GNG4: variants seen among roughly 807,000 people sequenced by gnomAD.
GNG4 encodes the protein G protein subunit gamma 4.
In GNG4, 4 loss-of-function variants were observed where a neutral mutation model predicts 5.8. The observed-to-expected ratio is 0.69, with a 90% CI of 0.34 to 1.57. The LOEUF is 1.57. Among genes scored for constraint, GNG4 ranks in the 40% most tolerant of loss-of-function variants. GNG4 has a pLI of 0.06. For missense variants in GNG4, 96 were observed against 95.1 expected, an observed-to-expected ratio of 1.01 and a Z score of -0.04; for synonymous variants, 29 against 32.9, an observed-to-expected ratio of 0.88 and a Z score of 0.41.
At chr1:235,587,546 GGTTGGGGTTGTGAATGTGGGA>G (rs1687824869) in intron 2 of GNG4, among the ~76,000 whole-genome samples, 1 of 51,604 alleles carries the variant, frequency 1.9e-5, no homozygotes, top group Non-Finnish European at 4.4e-5. Flanking sequence ...TCAGGGTGTG[GGTTGGGGTTGTGAATGTGGGA>G]GGGTGTGGGG....
Position 235,597,600 on chromosome 1 carries a change from G to C in GNG4, c.-122-2089C>G, listed in dbSNP as rs1381587546. Among the ~76,000 whole-genome samples, 291 of 89,636 alleles carry C rather than the reference G, an allele frequency of 3.2e-3. 9 individuals are homozygous for C. The highest frequency in any genetic ancestry group is 4.9e-3 in the Non-Finnish European group (198 of 40,342). 58.8% of individuals were successfully genotyped at this position (89,636 alleles called of 152,430 possible). Reference sequence around the variant, plus strand: ...TTTAACTTGTTTGCTGTGTGTGTGTGTGTGTGTGTGTGTGTGTGTGTGTGT... The same window carrying C: ...TTTAACTTGTTTGCTGTGTGTGTGTCTGTGTGTGTGTGTGTGTGTGTGTGT... On this transcript the variant is annotated intron_variant, in intron 1 of 3. Transcript: ENST00000391854.
At chr1:235,612,093 A>AG (rs112814967) in intron 1 of GNG4, among the ~76,000 whole-genome samples, 39,552 of 119,754 alleles carry the variant, frequency 0.33, 9,501 homozygotes, top group African/African-American at 0.68. Flanking sequence ...AAAAAAAAAG[A>AG]GGAGAAAGAA....
rs879363135 is a variant in GNG4 at position 235,561,397 on chromosome 1, G to GCT, written c.100-9162_100-9161dup. 1.9e-3 allele frequency among the ~76,000 whole-genome samples: 274 copies of GCT among 144,966 alleles called. 1 individual carries two copies. The highest frequency in any genetic ancestry group is 3.4e-3 in the Non-Finnish European group (229 of 67,880). ...CTCTTGCTCTCTTGCACGCGCTCGCGCTCTCTCTCTCTATATATATACATT... is the reference window on the plus strand; with the variant it reads ...CTCTTGCTCTCTTGCACGCGCTCGCGCTCTCTCTCTCTCTATATATATACATT... On this transcript the variant is annotated intron_variant, in intron 3 of 3. Coordinates refer to ENST00000391854, the MANE Select transcript of GNG4 (RefSeq NM_001098722.2).
chr1:235,560,937 G>A (rs932935938), intron 3 of GNG4, among the ~76,000 whole-genome samples: 1 of 152,166 alleles, frequency 6.6e-6, no homozygotes, highest in Non-Finnish European at 1.5e-5. Flanking sequence ...GTGACATGAT[G>A]TTGAACATGT....
chr1:235,602,143 G>A (rs1225818164), intron 1 of GNG4, among the ~76,000 whole-genome samples: 3 of 152,158 alleles, frequency 2.0e-5, no homozygotes, highest in Non-Finnish European at 4.4e-5. Flanking sequence ...ATGGTGGCAG[G>A]TGCCTATAAT....
intron 3 of GNG4, among the ~76,000 whole-genome samples, chr1:235,568,679 A>C (rs1052834911): frequency 5.9e-5 from 9 of 151,930 alleles, no homozygotes; most frequent in Admixed American, 4.6e-4. Context: ...GTCCAGACTG[A>C]TATTTTCCTC....
chr1:235,588,331 C>G (rs1687876104), intron 2 of GNG4, among the ~76,000 whole-genome samples: 1 of 152,082 alleles, frequency 6.6e-6, no homozygotes, highest in Non-Finnish European at 1.5e-5. Flanking sequence ...CCCATGTCTG[C>G]CACCCACAGC....
intron 3 of GNG4, chr1:235,567,076 C>T (rs954264760): frequency 6.6e-6 from 1 of 151,694 alleles, no homozygotes; most frequent in Admixed American, 6.6e-5. Flanking sequence ...TAAGTAGGCA[C>T]ATACCACCAT....
At chr1:235,626,518 C>A (rs544706316) in intron 1 of GNG4, among the ~76,000 whole-genome samples, 1 of 152,228 alleles carries the variant, frequency 6.6e-6, no homozygotes, top group South Asian at 2.1e-4. Flanking sequence ...CGGCCGAGTG[C>A]CTCTTTAAAT....
At chr1:235,583,533 T>G (rs1217112647) in intron 3 of GNG4, among the ~76,000 whole-genome samples, 2 of 152,362 alleles carry the variant, frequency 1.3e-5, no homozygotes, top group East Asian at 3.9e-4. Flanking sequence ...ATGGAATTCA[T>G]GCACACTGTG....
chr1:235,570,545 C>T (rs1327017529), intron 3 of GNG4, among the ~76,000 whole-genome samples: 3 of 151,572 alleles, frequency 2.0e-5, no homozygotes, highest in Non-Finnish European at 2.9e-5. Flanking sequence ...TACAGGTGCC[C>T]GCCATCATGC....
intron 1 of GNG4, among the ~76,000 whole-genome samples, chr1:235,636,075 A>C (rs1206830647): frequency 6.6e-6 from 1 of 152,144 alleles, no homozygotes; most frequent in African/African-American, 2.4e-5. Context: ...TCCTCTTGCT[A>C]GACAGGTAAG....
At chr1:235,629,743 C>G (rs1208893215) in intron 1 of GNG4, among the ~76,000 whole-genome samples, 2 of 152,072 alleles carry the variant, frequency 1.3e-5, no homozygotes, top group African/African-American at 4.8e-5. Context: ...ACTAGCATGC[C>G]ACCATGCCCA....
chr1:235,609,320 G>C (rs368143883), intron 1 of GNG4, among the ~76,000 whole-genome samples: 2 of 152,064 alleles, frequency 1.3e-5, no homozygotes, highest in Non-Finnish European at 2.9e-5. Context: ...ATGCTGCCAC[G>C]AACATGTATT....
chr1:235,566,407 A>G (rs1342963641), intron 3 of GNG4, among the ~76,000 whole-genome samples: 1 of 152,200 alleles, frequency 6.6e-6, no homozygotes, highest in Non-Finnish European at 1.5e-5. Flanking sequence ...TCTAGCTTGC[A>G]TGCTCCTTAT....
intron 1 of GNG4, among the ~76,000 whole-genome samples, chr1:235,602,413 A>G (rs1571908153): frequency 6.6e-6 from 1 of 152,152 alleles, no homozygotes; most frequent in African/African-American, 2.4e-5. Context: ...CACGTCCCCA[A>G]ATTCCCCCTG....
At chr1:235,629,163 A>G (rs73122522) in intron 1 of GNG4, among the ~76,000 whole-genome samples, 4,278 of 151,748 alleles carry the variant, frequency 0.028, 205 homozygotes, top group African/African-American at 0.095. Context: ...GACCCTAGGC[A>G]CGTGCCACCA....
At chr1:235,600,100 C>A (rs78319011) in intron 1 of GNG4, among the ~76,000 whole-genome samples, 3 of 43,130 alleles carry the variant, frequency 7.0e-5, no homozygotes, top group Non-Finnish European at 1.2e-4. Context: ...CGGAAGAAAG[C>A]TTTTTTTTTT....
intron 1 of GNG4, among the ~76,000 whole-genome samples, chr1:235,647,450 G>A (rs1358117800): frequency 1.3e-5 from 2 of 150,808 alleles, no homozygotes; most frequent in Non-Finnish European, 3.0e-5. Context: ...AGTGAAATAA[G>A]TGAGATGCAG....
Sources: allele counts gnomAD v4.1 joint callset (sites outside exome capture counted in the v4.1 genomes callset), GRCh38; gene constraint gnomAD v4.1.1; transcripts MANE v1.5; gene names NCBI Gene and HGNC (gene_info 2026-07-23, HGNC 2026-07-21).